LUZP2: variants seen among roughly 807,000 people sequenced by gnomAD.
LUZP2 encodes the protein leucine zipper protein 2.
Under a neutral mutation model 51.6 loss-of-function variants are expected in LUZP2, and 52 were observed. The ratio of observed to expected loss-of-function variants is 1.01; its 90% CI spans 0.81 to 1.27. The LOEUF (loss-of-function observed/expected upper bound fraction) is 1.27, where lower values mean the gene tolerates loss of function less well. LUZP2 is among the 50% of genes most tolerant of loss of function. The pLI is 0.00. For missense variants in LUZP2, 436 were observed against 395.4 expected (o/e 1.10, Z -0.87); for synonymous variants, 154 against 137.3 (o/e 1.12, Z -0.85).
chr11:25,078,312 C>A (rs1251576625), intron 11 of LUZP2, among the ~76,000 whole-genome samples: 1 of 152,120 alleles, frequency 6.6e-6, no homozygotes. Context: ...ATGGCTTGGG[C>A]AAAGTTTTTT....
intron 10 of LUZP2, among the ~76,000 whole-genome samples, chr11:25,055,367 CT>C (rs1330807251): frequency 6.6e-6 from 1 of 152,032 alleles, no homozygotes; most frequent in East Asian, 1.9e-4. Context: ...GGGTACAAGT[CT>C]TGCATTTCTT....
rs1859450352 is a variant in LUZP2 at position 25,081,175 on chromosome 11, A to C, written c.*2517A>C. On this transcript the variant is annotated 3_prime_UTR_variant, in exon 12 of 12. Transcript: ENST00000336930. ...CCGCCTCCCAAGTAGCTGGGATTACAGGTACCTGCCACCATGCCCGGCTAA... is the reference window on the plus strand; with the variant it reads ...CCGCCTCCCAAGTAGCTGGGATTACCGGTACCTGCCACCATGCCCGGCTAA... 1 of 151,536 alleles carries C rather than the reference A, an allele frequency of 6.6e-6. No homozygotes were observed. The highest frequency in any genetic ancestry group is 2.4e-5 in the African/African-American group (1 of 41,290). 9.4% of individuals were successfully genotyped at this position (151,536 alleles called of 1,614,324 possible).
rs190657710 is a variant in LUZP2, at chr11:24,785,838, G to A, written c.396+22530G>A. 2.0e-5 allele frequency: 20 copies of A among 984,770 alleles called. No homozygotes were observed. In the African/African-American group the frequency reaches 3.3e-4, roughly 16 times the overall value. The allele number at this position is 984,770 out of a possible 1,614,324, so 61.0% of individuals were successfully genotyped here. On this transcript the variant is annotated intron_variant, in intron 5 of 11. Transcript: ENST00000336930. ...AGATGAAAAGTTCCAGGCTTCAAGAGGCTATGCTGACTCTGGGAAATTGCT... is the reference window on the plus strand; with the variant it reads ...AGATGAAAAGTTCCAGGCTTCAAGAAGCTATGCTGACTCTGGGAAATTGCT...
intron 1 of LUZP2, among the ~76,000 whole-genome samples, chr11:24,519,025 C>T (rs143309347): frequency 5.1e-4 from 77 of 152,236 alleles, no homozygotes; most frequent in Middle Eastern, 3.4e-3. Flanking sequence ...GTTAGGTAGA[C>T]GTGTGGGTTT....
intron 7 of LUZP2, among the ~76,000 whole-genome samples, chr11:24,920,103 A>G (rs960235759): frequency 3.3e-5 from 5 of 151,826 alleles, no homozygotes; most frequent in African/African-American, 1.2e-4. Context: ...TTGGGGAGGT[A>G]GGGGTAAATT....
At chr11:24,596,671 G>A (rs552109707) in intron 1 of LUZP2, among the ~76,000 whole-genome samples, 24 of 152,214 alleles carry the variant, frequency 1.6e-4, no homozygotes, top group African/African-American at 3.9e-4. Context: ...TAAGCAATAC[G>A]TTCTAATTCT....
At chr11:24,881,103 A>T (rs1337991527) in intron 5 of LUZP2, among the ~76,000 whole-genome samples, 2 of 152,158 alleles carry the variant, frequency 1.3e-5, no homozygotes, top group East Asian at 3.9e-4. Context: ...GGTAAGCTTA[A>T]GAGATTCACT....
At chr11:24,520,580 C>T (rs909380370) in intron 1 of LUZP2, among the ~76,000 whole-genome samples, 2 of 152,162 alleles carry the variant, frequency 1.3e-5, no homozygotes, top group Non-Finnish European at 2.9e-5. Flanking sequence ...AAAACGTGGT[C>T]TTGTCTTTCA....
At chr11:24,514,763 A>G (rs1030734505) in intron 1 of LUZP2, among the ~76,000 whole-genome samples, 1 of 152,212 alleles carries the variant, frequency 6.6e-6, no homozygotes, top group African/African-American at 2.4e-5. Context: ...GCAATTGTTA[A>G]AAGAATTCTC....
intron 7 of LUZP2, among the ~76,000 whole-genome samples, chr11:24,918,850 T>C (rs1853897092): frequency 8.6e-6 from 1 of 116,632 alleles, no homozygotes; most frequent in Non-Finnish European, 1.9e-5. Context: ...TACATCTATA[T>C]ATATATGTTC....
rs543398575 is a variant in LUZP2 at position 25,072,988 on chromosome 11, TAAC to T, written c.859-4339_859-4337del. ...TGAGTGCACTCACACCCAGCAGACT[TAAC>T]ATACAAACACTGGGCTCAGAACAAA... On this transcript the variant is annotated intron_variant, in intron 10 of 11. Transcript: ENST00000336930. Among the ~76,000 whole-genome samples, 6 of 152,120 alleles carry T rather than the reference TAAC, an allele frequency of 3.9e-5. No homozygotes were observed. In the South Asian group the frequency reaches 1.2e-3, roughly 32 times the overall value.
At chr11:25,015,290 A>G (rs1375995668) in intron 9 of LUZP2, among the ~76,000 whole-genome samples, 2 of 152,312 alleles carry the variant, frequency 1.3e-5, no homozygotes, top group South Asian at 2.1e-4. Context: ...TTCCTGTGTA[A>G]CATTCACTCA....
intron 4 of LUZP2, among the ~76,000 whole-genome samples, chr11:24,743,140 C>T (rs1859247565): frequency 6.6e-6 from 1 of 152,034 alleles, no homozygotes; most frequent in Non-Finnish European, 1.5e-5. Flanking sequence ...CTGATTTGTT[C>T]TTTTTGCTCA....
In LUZP2 at chr11:24,970,731, G is replaced by A. The variant is rs775907570; in HGVS notation, c.523-5860G>A. Among the ~76,000 whole-genome samples the A allele has an allele frequency of 1.1e-3, 165 of 152,088 alleles. 1 individual carries two copies. Among genetic ancestry groups the A allele is most frequent in the South Asian group, 2.1e-3 (10 of 4,832 alleles). Reference sequence around the variant, plus strand: ...AAAACAGAGTTTGTGCACAGAACACGCTACTGGTGCTATCCTTTAGAATCT... The same window carrying A: ...AAAACAGAGTTTGTGCACAGAACACACTACTGGTGCTATCCTTTAGAATCT... On this transcript the variant is annotated intron_variant, in intron 7 of 11. Coordinates refer to ENST00000336930, the MANE Select transcript of LUZP2 (RefSeq NM_001009909.4).
intron 1 of LUZP2, among the ~76,000 whole-genome samples, chr11:24,725,022 G>T (rs1190472426): frequency 6.6e-6 from 1 of 152,104 alleles, no homozygotes; most frequent in African/African-American, 2.4e-5. Context: ...GTGTGTGATT[G>T]TTATCTATTT....
chr11:24,969,309 C>A (rs1272196714), intron 7 of LUZP2, among the ~76,000 whole-genome samples: 1 of 152,026 alleles, frequency 6.6e-6, no homozygotes, highest in Non-Finnish European at 1.5e-5. Context: ...ATAGCCTAAT[C>A]CTTCTTTAAA....
intron 9 of LUZP2, among the ~76,000 whole-genome samples, chr11:25,025,317 G>A (rs1857459044): frequency 6.6e-6 from 1 of 152,098 alleles, no homozygotes; most frequent in Non-Finnish European, 1.5e-5. Flanking sequence ...AAACTAAAGA[G>A]CTTCTGCACA....
At chr11:24,713,854 ATTTTT>A (rs11357002) in intron 1 of LUZP2, among the ~76,000 whole-genome samples, 1 of 57,452 alleles carries the variant, frequency 1.7e-5, no homozygotes, top group African/African-American at 6.8e-5. Context: ...ATGCCTGGCC[ATTTTT>A]TTTTTTTTTT....
intron 10 of LUZP2, among the ~76,000 whole-genome samples, chr11:25,068,860 C>T (rs1859070773): frequency 6.6e-6 from 1 of 151,940 alleles, no homozygotes; most frequent in African/African-American, 2.4e-5. Context: ...TTTGATGCAT[C>T]CCCCTCACTT....
Sources: allele counts gnomAD v4.1 joint callset (sites outside exome capture counted in the v4.1 genomes callset), GRCh38; gene constraint gnomAD v4.1.1; transcripts MANE v1.5; gene names NCBI Gene and HGNC (gene_info 2026-07-23, HGNC 2026-07-21).